The following MOB1B variants were observed in gnomAD, a reference collection of about 807,000 sequenced individuals.
MOB1B encodes MOB kinase activator 1B, also known as MOB1 Mps One Binder homolog B.
A neutral mutation model predicts 24.4 loss-of-function variants in MOB1B; 19 were observed. The ratio of observed to expected loss-of-function variants is 0.78; its 90% CI spans 0.54 to 1.14. The LOEUF is 1.14. Ranked by LOEUF, MOB1B falls within the 50% of genes most tolerant of loss-of-function variation. The probability of loss-of-function intolerance (pLI) is 0.00; values close to 1 mark genes in which losing one functional copy is unlikely to be tolerated. For missense variants in MOB1B, 243 were observed against 259.6 expected, an observed-to-expected ratio of 0.94 and a Z score of 0.44; for synonymous variants, 76 against 82.1, an observed-to-expected ratio of 0.93 and a Z score of 0.40.
chr4:70,914,468 G>T (rs1736120503), intron 1 of MOB1B, among the ~76,000 whole-genome samples: 1 of 152,166 alleles, frequency 6.6e-6, no homozygotes, highest in Non-Finnish European at 1.5e-5. Flanking sequence ...TGAGGACGTT[G>T]GTTCTGCTCA....
intron 1 of MOB1B, among the ~76,000 whole-genome samples, chr4:70,926,347 C>G (rs1012291978): frequency 6.6e-6 from 1 of 151,138 alleles, no homozygotes; most frequent in Non-Finnish European, 1.5e-5. Context: ...GATTCAGAGT[C>G]TTTGGTCTGT....
intron 1 of MOB1B, among the ~76,000 whole-genome samples, chr4:70,917,673 A>C (rs1736249368): frequency 6.6e-6 from 1 of 152,154 alleles, no homozygotes; most frequent in African/African-American, 2.4e-5. Context: ...TAGTATAATA[A>C]TCTACTGTTT....
In MOB1B at chr4:70,919,567, C is replaced by T. The variant is rs568816836; in HGVS notation, c.14+17017C>T. ...AGGCTGGAGTGCAGTGGCGCTATCTCGGCTCACTGCAACCTCTGCCTCCCG... is the reference window on the plus strand; with the variant it reads ...AGGCTGGAGTGCAGTGGCGCTATCTTGGCTCACTGCAACCTCTGCCTCCCG... On this transcript the variant is annotated intron_variant, in intron 1 of 5. Coordinates refer to ENST00000309395, the MANE Select transcript of MOB1B (RefSeq NM_173468.4). Among the ~76,000 whole-genome samples the T allele has an allele frequency of 2.5e-3, 388 of 152,208 alleles. 1 individual carries two copies. The highest frequency in any genetic ancestry group is 5.2e-3 in the South Asian group (25 of 4,812).
chr4:70,938,596 G>C (rs950705254), intron 1 of MOB1B, among the ~76,000 whole-genome samples: 17 of 152,012 alleles, frequency 1.1e-4, no homozygotes, highest in Non-Finnish European at 2.2e-4. Flanking sequence ...AGCCCACTGT[G>C]TAGATTGTTT....
intron 2 of MOB1B, 130 bp from the exon 3 acceptor site, chr4:70,969,801 C>A: frequency 2.8e-5 from 13 of 459,148 alleles, no homozygotes; most frequent in Non-Finnish European, 3.1e-5. Flanking sequence ...ATTGATACTT[C>A]TGTGTATGGT....
intron 1 of MOB1B, among the ~76,000 whole-genome samples, chr4:70,943,442 T>TCA (rs1313987895): frequency 6.6e-6 from 1 of 152,220 alleles, no homozygotes; most frequent in Non-Finnish European, 1.5e-5. Context: ...TTATAGTTAA[T>TCA]CATGTTTTCC....
chr4:70,922,384 G>T (rs976124266), intron 1 of MOB1B, among the ~76,000 whole-genome samples: 1 of 152,118 alleles, frequency 6.6e-6, no homozygotes, highest in Non-Finnish European at 1.5e-5. Flanking sequence ...AGGGAGACAC[G>T]AGACATCAAC....
intron 1 of MOB1B, among the ~76,000 whole-genome samples, chr4:70,908,440 C>T (rs1335566886): frequency 2.6e-5 from 4 of 151,128 alleles, no homozygotes; most frequent in Non-Finnish European, 5.9e-5. Flanking sequence ...GAAATACTTA[C>T]TGAGCACTGT....
chr4:70,950,617 T>A (rs1202021731), intron 1 of MOB1B: 1 of 602,276 alleles, frequency 1.7e-6, no homozygotes, highest in East Asian at 3.1e-5. Flanking sequence ...TTAAATGAGA[T>A]ATATTGCATG....
chr4:70,906,671 A>G (rs1735761440), intron 1 of MOB1B, among the ~76,000 whole-genome samples: 1 of 152,214 alleles, frequency 6.6e-6, no homozygotes, highest in African/African-American at 2.4e-5. Flanking sequence ...ATAAATGCTC[A>G]GGATAAATTT....
rs10035049 is a variant in MOB1B, at chr4:70,911,589, A to G, written c.14+9039A>G. ...TAGAGATAGCTTTTTTTTCCTTTAC[A>G]TACTAGAGTGCAAAATAATTGCCAT... On this transcript the variant is annotated intron_variant, in intron 1 of 5. Coordinates refer to ENST00000309395, the MANE Select transcript of MOB1B (RefSeq NM_173468.4). Among the ~76,000 whole-genome samples the G allele has an allele frequency of 1.3e-3, 194 of 152,070 alleles. 1 individual carries two copies. Among genetic ancestry groups the G allele is most frequent in the African/African-American group, 2.3e-3 (95 of 41,486 alleles).
chr4:70,925,211 A>G (rs1578356744), intron 1 of MOB1B, among the ~76,000 whole-genome samples: 1 of 151,852 alleles, frequency 6.6e-6, no homozygotes, highest in Admixed American at 6.6e-5. Context: ...TAATTTTTGT[A>G]TTTTTAGTAG....
chr4:70,941,376 C>A (rs1331657463), intron 1 of MOB1B, among the ~76,000 whole-genome samples: 2 of 152,186 alleles, frequency 1.3e-5, no homozygotes, highest in Non-Finnish European at 2.9e-5. Context: ...GAGTCTCGCT[C>A]TGTTGCCCAG....
At chr4:70,936,783 C>A (rs1737103806) in intron 1 of MOB1B, among the ~76,000 whole-genome samples, 1 of 152,130 alleles carries the variant, frequency 6.6e-6, no homozygotes, top group Admixed American at 6.5e-5. Context: ...TCTGAACATA[C>A]CCTCATACTT....
intron 2 of MOB1B, among the ~76,000 whole-genome samples, chr4:70,965,790 C>G (rs1267649244): frequency 1.7e-5 from 2 of 117,740 alleles, no homozygotes; most frequent in Non-Finnish European, 3.3e-5. Flanking sequence ...GAGCGAGACT[C>G]CGTCTCAAAA....
At chr4:70,957,151 C>T (rs990222013) in intron 1 of MOB1B, among the ~76,000 whole-genome samples, 2 of 144,702 alleles carry the variant, frequency 1.4e-5, no homozygotes, top group South Asian at 2.2e-4. Context: ...GTTCAAATGC[C>T]TAGATGTTTT....
chr4:70,910,611 G>A (rs529043968), intron 1 of MOB1B, among the ~76,000 whole-genome samples: 1 of 151,816 alleles, frequency 6.6e-6, no homozygotes, highest in Admixed American at 6.6e-5. Context: ...AGACGAAATA[G>A]TAACTTTTAA....
At chr4:70,940,142 G>A (rs1322716237) in intron 1 of MOB1B, among the ~76,000 whole-genome samples, 1 of 152,078 alleles carries the variant, frequency 6.6e-6, no homozygotes, top group Non-Finnish European at 1.5e-5. Context: ...CCAGCCGCTT[G>A]TGTCTCTCCT....
intron 1 of MOB1B, among the ~76,000 whole-genome samples, chr4:70,907,349 T>A (rs1331981505): frequency 6.6e-6 from 1 of 152,100 alleles, no homozygotes; most frequent in African/African-American, 2.4e-5. Flanking sequence ...AAGTAATCAT[T>A]CAAAAAGTAT....
Sources: gnomAD v4.1 joint callset for allele counts (sites outside exome capture counted in the v4.1 genomes callset) on GRCh38, gnomAD v4.1.1 for gene constraint, MANE v1.5 for transcripts, NCBI Gene and HGNC (gene_info 2026-07-23, HGNC 2026-07-21) for gene names.